Variants in UBR1 observed in about 807,000 individuals in gnomAD.
UBR1 encodes the protein ubiquitin protein ligase E3 component n-recognin 1, also known as E3 ubiquitin-protein ligase UBR1.
Under a neutral mutation model 242.1 loss-of-function variants are expected in UBR1, and 102 were observed. The observed-to-expected ratio is 0.42, with a 90% CI of 0.36 to 0.50. The LOEUF (loss-of-function observed/expected upper bound fraction) is 0.50, where lower values mean the gene tolerates loss of function less well. Ranked by LOEUF, UBR1 falls within the 20% of genes least tolerant of loss-of-function variation. UBR1 has a pLI of 0.01. For synonymous variants in UBR1, 675 were observed against 684.8 expected (o/e 0.99, Z 0.22); for missense variants, 1,772 against 2,101.8 (o/e 0.84, Z 3.07).
chr15:42,984,975 T>A, intron 35 of UBR1, 33 bp from the exon 36 acceptor site: 2 of 1,440,006 alleles, frequency 1.4e-6, no homozygotes, highest in Non-Finnish European at 9.7e-7. Context: ...AAATAATAAA[T>A]CCTGAATAGT....
intron 42 of UBR1, among the ~76,000 whole-genome samples, chr15:42,963,531 T>A (rs1309291765): frequency 1.3e-5 from 2 of 152,132 alleles, no homozygotes; most frequent in Non-Finnish European, 1.5e-5. Flanking sequence ...ATCTACCAAA[T>A]GACCTTCCTT....
chr15:42,966,405 A>G, intron 40 of UBR1, 119 bp from the exon 41 acceptor site: 1 of 1,385,752 alleles, frequency 7.2e-7, no homozygotes, highest in Non-Finnish European at 1.0e-6. Context: ...TATCCATGCA[A>G]TTTTTAAACA....
In UBR1 at chr15:42,943,533, T is replaced by A. The variant is rs1253287046; in HGVS notation, c.*1796A>T. The A allele has an allele frequency of 6.6e-6, 1 of 152,540 alleles. No individual in the cohort carries two copies. The highest frequency in any genetic ancestry group is 2.4e-5 in the African/African-American group (1 of 41,464). The allele number at this position is 152,540 out of a possible 1,614,324, so 9.4% of individuals were successfully genotyped here. On this transcript the variant is annotated 3_prime_UTR_variant, in exon 47 of 47. Transcript: ENST00000290650. ...GCTGGCCATTGCCAGACAGTCCCTC[T>A]GTCCTCTTGAGAGCCTAACTCCAGA...
intron 32 of UBR1, among the ~76,000 whole-genome samples, chr15:43,000,837 T>C (rs949670728): frequency 6.6e-6 from 1 of 152,174 alleles, no homozygotes; most frequent in Non-Finnish European, 1.5e-5. Flanking sequence ...ACTCTTTATT[T>C]ATTTATTTAT....
chr15:43,004,167 C>A (rs1189424984), intron 30 of UBR1, among the ~76,000 whole-genome samples: 1 of 152,016 alleles, frequency 6.6e-6, no homozygotes, highest in Non-Finnish European at 1.5e-5. Flanking sequence ...TACTTTTTAA[C>A]CTTGAATATT....
chr15:43,032,710 A>C, intron 19 of UBR1, 79 bp from the exon 20 acceptor site: 22 of 846,590 alleles, frequency 2.6e-5, no homozygotes, highest in Non-Finnish European at 3.6e-5. Context: ...GACGAGACTC[A>C]TGGTCCATCC....
intron 1 of UBR1, among the ~76,000 whole-genome samples, chr15:43,098,337 T>C (rs997880799): frequency 1.3e-5 from 2 of 152,174 alleles, no homozygotes; most frequent in Non-Finnish European, 2.9e-5. Flanking sequence ...GTTTGAAGTA[T>C]TGTGAGAATT....
At chr15:43,059,608 A>C in intron 8 of UBR1, 94 bp downstream of exon 8, 3 of 1,466,172 alleles carry the variant, frequency 2.0e-6, no homozygotes, top group South Asian at 1.3e-5. Flanking sequence ...AAAAAAAGAA[A>C]AACTTTATTT....
chr15:43,082,776 A>G, intron 2 of UBR1, 60 bp from the exon 3 acceptor site: 1 of 1,224,726 alleles, frequency 8.2e-7, no homozygotes, highest in Non-Finnish European at 1.2e-6. Context: ...TGCTCAAGGT[A>G]TGACTATAAT....
intron 12 of UBR1, 35 bp from the exon 13 acceptor site, chr15:43,048,526 A>G (rs1596118558): frequency 1.3e-6 from 2 of 1,524,524 alleles, no homozygotes. Flanking sequence ...TATTTCATTT[A>G]TCTATTTTGA....
chr15:43,036,386 G>A (rs1235777298), intron 18 of UBR1, 107 bp from the exon 19 acceptor site: 1 of 1,207,794 alleles, frequency 8.3e-7, no homozygotes, highest in Non-Finnish European at 1.2e-6. Context: ...TAATGTAGTA[G>A]TCCCTTCTAT....
chr15:42,988,233 C>G (rs1285855047), intron 35 of UBR1, among the ~76,000 whole-genome samples: 2 of 151,914 alleles, frequency 1.3e-5, no homozygotes, highest in Admixed American at 1.3e-4. Context: ...TAACTTACAT[C>G]ATGCTGTTCC....
At chr15:43,030,833 T>G (rs1460733558) in intron 20 of UBR1, among the ~76,000 whole-genome samples, 3 of 152,228 alleles carry the variant, frequency 2.0e-5, no homozygotes. Flanking sequence ...AAGAAACCCC[T>G]TGCCTAAGAG....
intron 12 of UBR1, among the ~76,000 whole-genome samples, chr15:43,050,936 G>A (rs1436092040): frequency 6.6e-6 from 1 of 152,134 alleles, no homozygotes; most frequent in Non-Finnish European, 1.5e-5. Context: ...CAGACGCTGG[G>A]GAGGTTGCAG....
chr15:42,962,647 G>C (rs571598555), intron 42 of UBR1, among the ~76,000 whole-genome samples: 1 of 152,112 alleles, frequency 6.6e-6, no homozygotes, highest in East Asian at 1.9e-4. Context: ...CTGCCACCAC[G>C]CCTGGCTAAT....
chr15:43,024,396 C>T (rs866896038), intron 25 of UBR1, among the ~76,000 whole-genome samples: 10 of 152,174 alleles, frequency 6.6e-5, no homozygotes, highest in African/African-American at 1.7e-4. Context: ...ATTCTCCTAC[C>T]TCTATGAATA....
chr15:43,017,816 A>T (rs992916764), intron 27 of UBR1, among the ~76,000 whole-genome samples: 8 of 151,824 alleles, frequency 5.3e-5, no homozygotes, highest in Non-Finnish European at 1.0e-4. Flanking sequence ...TCTCAAAAAA[A>T]AAAAAAAGAT....
intron 1 of UBR1, among the ~76,000 whole-genome samples, chr15:43,101,609 C>G (rs1392988737): frequency 1.3e-5 from 2 of 152,088 alleles, no homozygotes; most frequent in Non-Finnish European, 2.9e-5. Flanking sequence ...GTGGGTGGAT[C>G]ACTTGAGGTC....
intron 21 of UBR1, among the ~76,000 whole-genome samples, chr15:43,029,472 A>G (rs1273405510): frequency 6.6e-6 from 1 of 152,218 alleles, no homozygotes; most frequent in Non-Finnish European, 1.5e-5. Flanking sequence ...TCTGGGAGAC[A>G]TGGGGAGGGA....
Sources: allele counts gnomAD v4.1 joint callset (sites outside exome capture counted in the v4.1 genomes callset), GRCh38; gene constraint gnomAD v4.1.1; transcripts MANE v1.5; gene names NCBI Gene and HGNC (gene_info 2026-07-23, HGNC 2026-07-21).